DPT: variants seen among roughly 807,000 people sequenced by gnomAD.
DPT encodes dermatopontin.
DPT carries 21 observed loss-of-function variants against 31.2 expected under a neutral mutation model. That is an observed-to-expected ratio of 0.67 (90% CI 0.48 to 0.97). The LOEUF (loss-of-function observed/expected upper bound fraction) is 0.97. Among genes scored for constraint, DPT ranks in the 50% least tolerant of loss-of-function variants. The probability of loss-of-function intolerance (pLI) is 0.00; values close to 1 mark genes in which losing one functional copy is unlikely to be tolerated. For missense variants in DPT, 262 were observed against 258.8 expected (o/e 1.01, Z -0.08); for synonymous variants, 91 against 86.9 (o/e 1.05, Z -0.26).
At chr1:168,702,875 G>T (rs1231288332) in intron 2 of DPT, among the ~76,000 whole-genome samples, 1 of 152,136 alleles carries the variant, frequency 6.6e-6, no homozygotes, top group East Asian at 1.9e-4. Flanking sequence ...GCCTCCCAAA[G>T]TGCCGGGATT....
At chr1:168,711,362 G>T (rs1027323559) in intron 2 of DPT, among the ~76,000 whole-genome samples, 4 of 152,066 alleles carry the variant, frequency 2.6e-5, no homozygotes, top group African/African-American at 9.7e-5. Context: ...CTCCTTGCCT[G>T]CCTGGTCACC....
chr1:168,706,538 C>A (rs1004754321), intron 2 of DPT, among the ~76,000 whole-genome samples: 11 of 152,296 alleles, frequency 7.2e-5, no homozygotes, highest in African/African-American at 2.6e-4. Context: ...GAACAATCCC[C>A]AGGCTTCTTC....
In DPT at chr1:168,705,315, G is replaced by A. The variant is rs550209039; in HGVS notation, c.432-4191C>T. Among the ~76,000 whole-genome samples the A allele has an allele frequency of 1.7e-4, 26 of 152,190 alleles. No homozygotes were observed. In the South Asian group the frequency reaches 5.0e-3, roughly 29 times the overall value. On this transcript the variant is annotated intron_variant, in intron 2 of 3. Coordinates refer to ENST00000367817, the MANE Select transcript of DPT (RefSeq NM_001937.5). ...GGAAATTAGGGCAACTGGATTAGTC[G>A]GTGTCACCTGGAAGCTCCTCTTTCA... is the stretch of plus-strand genomic sequence containing the variant.
intron 1 of DPT, among the ~76,000 whole-genome samples, chr1:168,726,245 T>C (rs1162658544): frequency 6.6e-6 from 1 of 152,238 alleles, no homozygotes. Flanking sequence ...ATCTCGCCTA[T>C]CAGCTTTTCC....
In DPT at chr1:168,714,372, C is replaced by A. The variant is rs758637790; in HGVS notation, c.306-26G>T. 19 of 1,613,890 alleles carry A rather than the reference C, an allele frequency of 1.2e-5. 2 individuals are homozygous for A. The South Asian group carries it at 2.0e-4, about 17-fold the overall frequency. On this transcript the variant is annotated intron_variant, in intron 1 of 3. Coordinates refer to ENST00000367817, the MANE Select transcript of DPT (RefSeq NM_001937.5). The stretch of plus-strand genomic sequence containing the variant: ...CTGAAGAGAAGACAACCCCAGGAAC[C>A]TAAGAACAGTGACACATACACAGAC...
Position 168,696,634 on chromosome 1 carries a change from G to A in DPT, c.540-19C>T. On this transcript the variant is annotated intron_variant, in intron 3 of 3. Coordinates refer to ENST00000367817, the MANE Select transcript of DPT (RefSeq NM_001937.5). Reference sequence around the variant, plus strand: ...GCGATCCCTGTGGGAGGGAGAGTCAGAAAATGAATGTCAGTGAGAAAGGAC... The same window carrying A: ...GCGATCCCTGTGGGAGGGAGAGTCAAAAAATGAATGTCAGTGAGAAAGGAC... The A allele has an allele frequency of 6.2e-7, 1 of 1,610,574 alleles. No individual in the cohort carries two copies. Among genetic ancestry groups the A allele is most frequent in the African/African-American group, 1.3e-5 (1 of 74,974 alleles).
intron 2 of DPT, among the ~76,000 whole-genome samples, chr1:168,704,605 G>T (rs983120796): frequency 1.3e-5 from 2 of 152,184 alleles, no homozygotes; most frequent in African/African-American, 4.8e-5. Flanking sequence ...GTGTGTGTGT[G>T]TGTGTGCATG....
chr1:168,702,901 T>C (rs1047683949), intron 2 of DPT, among the ~76,000 whole-genome samples: 4 of 152,278 alleles, frequency 2.6e-5, no homozygotes, highest in African/African-American at 9.6e-5. Context: ...TATGAGCCAC[T>C]GCGCCCAGCA....
In DPT at chr1:168,696,327, T is replaced by C; in HGVS notation, c.*222A>G. On this transcript the variant is annotated 3_prime_UTR_variant, in exon 4 of 4. Coordinates refer to ENST00000367817, the MANE Select transcript of DPT (RefSeq NM_001937.5). ...CATCAGTCATATAAAGCAGTTGCTA[T>C]GAAACATGTGAAAAGTGAGAAACAT... The C allele has an allele frequency of 1.7e-6, 1 of 581,362 alleles. No individual in the cohort carries two copies. Among genetic ancestry groups the C allele is most frequent in the Non-Finnish European group, 3.0e-6 (1 of 329,762 alleles). 36.0% of individuals were successfully genotyped at this position (581,362 alleles called of 1,614,324 possible).
chr1:168,716,055 A>G (rs1417722867), intron 1 of DPT, among the ~76,000 whole-genome samples: 1 of 152,244 alleles, frequency 6.6e-6, no homozygotes, highest in African/African-American at 2.4e-5. Flanking sequence ...ATTATCAACA[A>G]GTGGATTTCA....
intron 1 of DPT, among the ~76,000 whole-genome samples, chr1:168,718,756 C>T (rs543464345): frequency 2.0e-5 from 3 of 152,158 alleles, no homozygotes; most frequent in South Asian, 2.1e-4. Flanking sequence ...TTAAAGTTAT[C>T]GTGAAGACCA....
intron 1 of DPT, among the ~76,000 whole-genome samples, chr1:168,718,155 T>A (rs1056136965): frequency 1.3e-5 from 2 of 152,264 alleles, no homozygotes; most frequent in Admixed American, 6.5e-5. Context: ...GGAGTTGTTG[T>A]TCCATTGTTT....
chr1:168,699,428 G>T (rs1478257274), intron 3 of DPT, among the ~76,000 whole-genome samples: 3 of 151,872 alleles, frequency 2.0e-5, no homozygotes, highest in African/African-American at 7.3e-5. Flanking sequence ...TTTCTAATTT[G>T]CTGCTTCTAG....
At chr1:168,712,900 G>A (rs1206873632) in intron 2 of DPT, among the ~76,000 whole-genome samples, 1 of 152,042 alleles carries the variant, frequency 6.6e-6, no homozygotes, top group Non-Finnish European at 1.5e-5. Flanking sequence ...CTGAAGACAA[G>A]GTCTATAGTT....
chr1:168,729,048 G>C lies in DPT; in HGVS notation c.127C>G (p.Arg43Gly), dbSNP rs147889127. The C allele has an allele frequency of 6.2e-7, 1 of 1,614,190 alleles. No individual in the cohort carries two copies. The highest frequency in any genetic ancestry group is 1.1e-5 in the South Asian group (1 of 91,080). Residue 43 changes from arginine to glycine, a missense_variant, in exon 1 of 4, where the codon CGG (arginine) becomes GGG (glycine). By Grantham distance (125) the Arg-to-Gly change is moderately radical. Transcript: ENST00000367817. ...YSDDGWVNLN[R>G]QGFSYQCPQG... ...GGACACTGGTAGCTGAAGCCTTGCC[G>C]GTTCAAATTCACCCACCCATCATCG...
intron 2 of DPT, among the ~76,000 whole-genome samples, chr1:168,701,887 T>C (rs1056633710): frequency 6.6e-6 from 1 of 152,224 alleles, no homozygotes; most frequent in African/African-American, 2.4e-5. Flanking sequence ...CTAATAAAAA[T>C]GAGTGATGAG....
At chr1:168,715,559 GATATT>G (rs10604705) in intron 1 of DPT, among the ~76,000 whole-genome samples, 19,538 of 151,916 alleles carry the variant, frequency 0.13, 1,811 homozygotes, top group East Asian at 0.44. Flanking sequence ...TAAAATAAAA[GATATT>G]ATAATTCATT....
intron 1 of DPT, among the ~76,000 whole-genome samples, chr1:168,722,740 T>C (rs1557851512): frequency 6.6e-6 from 1 of 151,896 alleles, no homozygotes; most frequent in Non-Finnish European, 1.5e-5. Flanking sequence ...TATTTCGGAG[T>C]TGAGACGACT....
At chr1:168,705,431 T>C (rs1264568306) in intron 2 of DPT, among the ~76,000 whole-genome samples, 2 of 152,072 alleles carry the variant, frequency 1.3e-5, no homozygotes, top group African/African-American at 2.4e-5. Context: ...GCCCACTTTG[T>C]GGGGACACCA....
Sources: gnomAD v4.1 joint callset for allele counts (sites outside exome capture counted in the v4.1 genomes callset) on GRCh38, gnomAD v4.1.1 for gene constraint, MANE v1.5 for transcripts, NCBI Gene and HGNC (gene_info 2026-07-23, HGNC 2026-07-21) for gene names.